CLINT1: variants seen among roughly 807,000 people sequenced by gnomAD.
CLINT1 encodes clathrin interactor 1, also known as clathrin interacting protein localized in the trans-Golgi region.
In CLINT1, 15 loss-of-function variants were observed where a neutral mutation model predicts 70.4. That is an observed-to-expected ratio of 0.21 (90% CI 0.14 to 0.33). The LOEUF (loss-of-function observed/expected upper bound fraction) is 0.33. Ranked by LOEUF, CLINT1 falls within the 10% of genes least tolerant of loss-of-function variation. CLINT1 has a pLI of 1.00. For synonymous variants in CLINT1, 227 were observed against 254.7 expected (o/e 0.89, Z 1.04); for missense variants, 615 against 778.1 (o/e 0.79, Z 2.49).
intron 5 of CLINT1, among the ~76,000 whole-genome samples, chr5:157,810,348 A>C (rs1762517778): frequency 6.6e-6 from 1 of 152,202 alleles, no homozygotes. Flanking sequence ...AAATAATTCA[A>C]TGAATTTTCA....
At position 157,787,738 on chromosome 5, in the gene CLINT1, T is replaced by C. The variant is rs747547797; in HGVS notation, c.1786A>G (p.Met596Val). Residue 596 changes from methionine to valine, a missense_variant, in exon 12 of 12, where the codon ATG becomes GTG. Around this residue, in one of 2 missense-constraint regions of CLINT1, gnomAD observed 374 missense variants for 409.6 expected, o/e 0.91. Coordinates refer to ENST00000411809, the MANE Select transcript of CLINT1 (RefSeq NM_014666.4). ...SAAGMGLTGT[M>V]GMGMPNIAMT... The stretch of plus-strand genomic sequence containing the variant: ...GCTATGTTGGGCATGCCCATTCCCA[T>C]TGTGCCTGTCAAGCCCATCCCAGCA... The C allele has an allele frequency of 8.1e-6, 13 of 1,613,910 alleles. No homozygotes were observed. In the Admixed American group the frequency reaches 1.5e-4, roughly 19 times the overall value.
At chr5:157,814,579 A>T (rs1011822419) in intron 3 of CLINT1, among the ~76,000 whole-genome samples, 4 of 152,254 alleles carry the variant, frequency 2.6e-5, no homozygotes, top group Non-Finnish European at 5.9e-5. Context: ...TGCTTGATAT[A>T]AATAGACAAT....
intron 1 of CLINT1, among the ~76,000 whole-genome samples, chr5:157,823,002 C>G (rs968802519): frequency 6.6e-6 from 1 of 152,042 alleles, no homozygotes; most frequent in Non-Finnish European, 1.5e-5. Context: ...CCCAGTTTGC[C>G]TTTTAAATTT....
chr5:157,853,281 C>T (rs890672934), intron 1 of CLINT1, among the ~76,000 whole-genome samples: 1 of 150,756 alleles, frequency 6.6e-6, no homozygotes, highest in African/African-American at 2.4e-5. Flanking sequence ...AGAGGCCAGT[C>T]GCAGTGAGTT....
At chr5:157,857,841 T>C in intron 1 of CLINT1, among the ~76,000 whole-genome samples, 1 of 152,358 alleles carries the variant, frequency 6.6e-6, no homozygotes, top group East Asian at 1.9e-4. Flanking sequence ...GACAAGGCAC[T>C]GGAAATTACT....
intron 1 of CLINT1, among the ~76,000 whole-genome samples, chr5:157,849,492 C>T (rs2113326686): frequency 6.6e-6 from 1 of 152,176 alleles, no homozygotes; most frequent in African/African-American, 2.4e-5. Context: ...TGCTTTATTC[C>T]AATATTCACT....
rs567702393 is a variant in CLINT1, at chr5:157,814,211, C to T, written c.326G>A (p.Arg109Gln). ...TACAAAGTGGTAATTTTCCAGGGAT[C>T]GTAAATCATAAATGTGTTCTCTGGC... is the stretch of plus-strand genomic sequence containing the variant. ...TSAREHIYDLRSLENYHFVDE... is the reference protein window; with the variant it reads ...TSAREHIYDLQSLENYHFVDE... Residue 109 changes from arginine to glutamine, a missense_variant, in exon 4 of 12, where the codon CGA (arginine) becomes CAA (glutamine). Arg to Gln is a conservative substitution (Grantham distance 43, BLOSUM62 1). Around this residue, in one of 2 missense-constraint regions of CLINT1, gnomAD observed 241 missense variants for 368.6 expected, o/e 0.65. Coordinates refer to ENST00000411809, the MANE Select transcript of CLINT1 (RefSeq NM_014666.4). 6.2e-6 allele frequency: 10 copies of T among 1,608,994 alleles called. No individual in the cohort carries two copies. The highest frequency in any genetic ancestry group is 5.3e-5 in the African/African-American group (4 of 74,934).
At chr5:157,808,204 CATT>C (rs1762443800) in intron 6 of CLINT1, among the ~76,000 whole-genome samples, 1 of 151,978 alleles carries the variant, frequency 6.6e-6, no homozygotes, top group Non-Finnish European at 1.5e-5. Context: ...GTTTGGAAAA[CATT>C]ATTGAAATTA....
chr5:157,857,224 CA>C (rs34211902), intron 1 of CLINT1, among the ~76,000 whole-genome samples: 57,505 of 120,476 alleles, frequency 0.48, 12,292 homozygotes, highest in Non-Finnish European at 0.5. Flanking sequence ...GAGACCCCAT[CA>C]AAAAAAAAAA....
In CLINT1 at chr5:157,803,754, AGTTT is replaced by A. The variant is rs779807549; in HGVS notation, c.943-39_943-36del. The A allele has an allele frequency of 7.4e-6, 11 of 1,481,768 alleles. No homozygotes were observed. In the Admixed American group the frequency reaches 2.1e-4, roughly 28 times the overall value. 91.8% of individuals were successfully genotyped at this position (1,481,768 alleles called of 1,614,324 possible). ...CACACATAACTCAGGAGCTTCGAAA[AGTTT>A]GTTTTTCTAAAAATCAGCTCTATCC... is the stretch of plus-strand genomic sequence containing the variant. On this transcript the variant is annotated intron_variant, in intron 7 of 11. Transcript: ENST00000411809.
intron 7 of CLINT1, among the ~76,000 whole-genome samples, chr5:157,804,404 C>T (rs2113171813): frequency 6.6e-6 from 1 of 152,272 alleles, no homozygotes; most frequent in South Asian, 2.1e-4. Context: ...ATACCTATGT[C>T]CTATATGTTA....
intron 1 of CLINT1, among the ~76,000 whole-genome samples, chr5:157,856,273 C>A (rs547391517): frequency 2.9e-4 from 44 of 152,272 alleles, no homozygotes; most frequent in South Asian, 2.7e-3. Flanking sequence ...CTCCAATAGC[C>A]ATCAAAGGTG....
At chr5:157,836,725 T>C (rs994536254) in intron 1 of CLINT1, among the ~76,000 whole-genome samples, 3 of 152,306 alleles carry the variant, frequency 2.0e-5, no homozygotes, top group East Asian at 1.9e-4. Flanking sequence ...TTCTAAAATA[T>C]CCTCTCCTGG....
intron 8 of CLINT1, among the ~76,000 whole-genome samples, chr5:157,801,908 T>G (rs532293970): frequency 1.8e-4 from 28 of 152,240 alleles, no homozygotes; most frequent in South Asian, 1.2e-3. Flanking sequence ...GTTTTTTTTT[T>G]TTTGAGACAA....
At chr5:157,831,478 G>A (rs1045240495) in intron 1 of CLINT1, among the ~76,000 whole-genome samples, 3 of 151,968 alleles carry the variant, frequency 2.0e-5, no homozygotes, top group Admixed American at 1.3e-4. Context: ...ATGAGCCACC[G>A]TGCCCGGCCT....
chr5:157,796,887 C>CAT (rs71665669), intron 8 of CLINT1, among the ~76,000 whole-genome samples: 1,954 of 147,900 alleles, frequency 0.013, 25 homozygotes, highest in African/African-American at 0.033. Context: ...CTCATACATA[C>CAT]ATATATATAT....
At chr5:157,790,692 T>C (rs897842914) in intron 10 of CLINT1, 3 of 451,188 alleles carry the variant, frequency 6.6e-6, no homozygotes, top group Non-Finnish European at 1.3e-5. Flanking sequence ...AAACACATAT[T>C]CTCAATAGTT....
intron 1 of CLINT1, among the ~76,000 whole-genome samples, chr5:157,848,920 C>A (rs1014656650): frequency 6.6e-6 from 1 of 152,176 alleles, no homozygotes; most frequent in African/African-American, 2.4e-5. Context: ...CCTCAGCCTC[C>A]CAAAGTGCTG....
chr5:157,805,421 G>A (rs1475259639), intron 7 of CLINT1, among the ~76,000 whole-genome samples: 1 of 152,214 alleles, frequency 6.6e-6, no homozygotes, highest in African/African-American at 2.4e-5. Flanking sequence ...AGTAATGACT[G>A]TGAGGCAAAC....
Sources: gnomAD v4.1 joint callset for allele counts (sites outside exome capture counted in the v4.1 genomes callset) on GRCh38, gnomAD v4.1.1 for gene constraint, gnomAD v4.1.1 regional missense constraint, MANE v1.5 for transcripts, NCBI Gene and HGNC (gene_info 2026-07-23, HGNC 2026-07-21) for gene names.